RIMS2: variants seen among roughly 807,000 people sequenced by gnomAD.
The protein encoded by RIMS2 is regulating synaptic membrane exocytosis protein 2.
In RIMS2, 59 loss-of-function variants were observed where a neutral mutation model predicts 174.4. That is an observed-to-expected ratio of 0.34 (90% confidence interval 0.27 to 0.42). The LOEUF (loss-of-function observed/expected upper bound fraction) is 0.42, where lower values mean the gene tolerates loss of function less well. RIMS2 is among the 10% of genes least tolerant of loss of function. The pLI is 1.00. For missense variants in RIMS2, 1,620 were observed against 1,666.3 expected, an observed-to-expected ratio of 0.97 and a Z score of 0.48; for synonymous variants, 606 against 572.5, an observed-to-expected ratio of 1.06 and a Z score of -0.84.
intron 15 of RIMS2, among the ~76,000 whole-genome samples, chr8:103,967,913 TGCAGTG>T (rs1007767168): frequency 5.6e-5 from 8 of 143,994 alleles, no homozygotes; most frequent in Non-Finnish European, 9.0e-5. Flanking sequence ...CAGGCTGCAA[TGCAGTG>T]GCACAATCTC....
At chr8:103,832,005 A>G (rs917575414) in intron 3 of RIMS2, among the ~76,000 whole-genome samples, 3 of 152,188 alleles carry the variant, frequency 2.0e-5, no homozygotes, top group African/African-American at 7.2e-5. Context: ...AGGATAGCTC[A>G]GCACCCTATG....
At chr8:103,505,323 A>G (rs1181773048) in intron 1 of RIMS2, among the ~76,000 whole-genome samples, 1 of 152,164 alleles carries the variant, frequency 6.6e-6, no homozygotes, top group African/African-American at 2.4e-5. Context: ...ACATGTATGT[A>G]TGGATGGATG....
At chr8:103,920,711 C>T (rs1369074973) in intron 9 of RIMS2, 4 of 457,082 alleles carry the variant, frequency 8.8e-6, no homozygotes, top group Non-Finnish European at 1.8e-5. Context: ...TCTTCCTGGC[C>T]TAGCGTGGTG....
At chr8:103,538,130 T>G (rs1331142033) in intron 1 of RIMS2, among the ~76,000 whole-genome samples, 1 of 152,136 alleles carries the variant, frequency 6.6e-6, no homozygotes, top group Non-Finnish European at 1.5e-5. Flanking sequence ...TGTATACATA[T>G]ATGGCATAGT....
intron 19 of RIMS2, among the ~76,000 whole-genome samples, chr8:104,187,013 A>T (rs2098971671): frequency 6.6e-6 from 1 of 151,746 alleles, no homozygotes; most frequent in African/African-American, 2.4e-5. Flanking sequence ...AGGAAAGAAG[A>T]TGGGAAAAAA....
chr8:103,751,174 C>G (rs1016455065), intron 2 of RIMS2, among the ~76,000 whole-genome samples: 2 of 152,076 alleles, frequency 1.3e-5, no homozygotes, highest in Admixed American at 6.6e-5. Flanking sequence ...TCAGTTCCCA[C>G]GCATGAGTGA....
At chr8:103,629,656 A>G (rs1382992053) in intron 1 of RIMS2, among the ~76,000 whole-genome samples, 1 of 152,216 alleles carries the variant, frequency 6.6e-6, no homozygotes, top group African/African-American at 2.4e-5. Flanking sequence ...CAATTAACAT[A>G]TGCCAACACT....
intron 1 of RIMS2, among the ~76,000 whole-genome samples, chr8:103,575,386 A>C (rs528125175): frequency 1.3e-5 from 2 of 152,258 alleles, no homozygotes; most frequent in South Asian, 4.1e-4. Context: ...GTATCTACCA[A>C]AGCTGAACAT....
chr8:104,127,219 A>T (rs960794914), intron 19 of RIMS2, among the ~76,000 whole-genome samples: 1 of 152,178 alleles, frequency 6.6e-6, no homozygotes, highest in Non-Finnish European at 1.5e-5. Flanking sequence ...AAATACCCTA[A>T]ATTATCTTAT....
At chr8:103,786,062 T>G (rs1339624939) in intron 3 of RIMS2, among the ~76,000 whole-genome samples, 4 of 151,942 alleles carry the variant, frequency 2.6e-5, no homozygotes, top group Admixed American at 1.3e-4. Flanking sequence ...TTGCGTAGAG[T>G]TGTTTGTAGT....
intron 1 of RIMS2, among the ~76,000 whole-genome samples, chr8:103,552,379 G>T (rs1455262505): frequency 6.6e-6 from 1 of 152,176 alleles, no homozygotes; most frequent in Non-Finnish European, 1.5e-5. Context: ...ATGGTGCTGG[G>T]AAAACTGGCT....
chr8:103,598,378 G>A (rs1273025940), intron 1 of RIMS2, among the ~76,000 whole-genome samples: 1 of 152,178 alleles, frequency 6.6e-6, no homozygotes, highest in Non-Finnish European at 1.5e-5. Context: ...AATAGGCTGA[G>A]AGACTAAGAT....
intron 1 of RIMS2, among the ~76,000 whole-genome samples, chr8:103,563,159 G>A (rs190120404): frequency 6.6e-6 from 1 of 152,292 alleles, no homozygotes; most frequent in Admixed American, 6.5e-5. Flanking sequence ...TCAGCTCCCT[G>A]TTACTTTTGC....
intron 3 of RIMS2, among the ~76,000 whole-genome samples, chr8:103,776,488 C>T (rs1247665093): frequency 2.0e-5 from 3 of 151,982 alleles, no homozygotes; most frequent in Non-Finnish European, 4.4e-5. Flanking sequence ...AGAAGGTAGT[C>T]TGGATGTTTT....
chr8:103,608,202 A>G (rs1227784568), intron 1 of RIMS2, among the ~76,000 whole-genome samples: 1 of 143,522 alleles, frequency 7.0e-6, no homozygotes. Flanking sequence ...TCTGTTTGTT[A>G]GTTTTCCTTC....
At chr8:103,898,880 C>A (rs992589736) in intron 4 of RIMS2, among the ~76,000 whole-genome samples, 8 of 151,296 alleles carry the variant, frequency 5.3e-5, no homozygotes, top group Admixed American at 3.3e-4. Context: ...CCACTCCCCC[C>A]ACCCCACAAC....
chr8:103,937,384 T>C (rs10955336), intron 13 of RIMS2, among the ~76,000 whole-genome samples: 58,042 of 152,018 alleles, frequency 0.38, 11,792 homozygotes, highest in Non-Finnish European at 0.44. Context: ...CTGAACAGAC[T>C]GTACCACTAA....
intron 19 of RIMS2, among the ~76,000 whole-genome samples, chr8:104,216,968 G>A (rs949796902): frequency 6.6e-6 from 1 of 152,174 alleles, no homozygotes; most frequent in South Asian, 2.1e-4. Context: ...CAATGCATGT[G>A]AAGAACTAAA....
intron 14 of RIMS2, among the ~76,000 whole-genome samples, chr8:103,959,572 A>AT (rs201434852): frequency 1.3e-5 from 2 of 150,478 alleles, no homozygotes; most frequent in East Asian, 3.9e-4. Context: ...CCTGACTAAT[A>AT]TTTTTTTTCT....
Sources: allele counts gnomAD v4.1 joint callset (sites outside exome capture counted in the v4.1 genomes callset), GRCh38; gene constraint gnomAD v4.1.1; transcripts MANE v1.5; gene names NCBI Gene and HGNC (gene_info 2026-07-23, HGNC 2026-07-21).